UBN2: variants seen among roughly 807,000 people sequenced by gnomAD.
The protein encoded by UBN2 is ubinuclein 2.
UBN2 carries 35 observed loss-of-function variants against 120.2 expected under a neutral mutation model. That is an observed-to-expected ratio of 0.29 (90% CI 0.22 to 0.39). The LOEUF (loss-of-function observed/expected upper bound fraction) is 0.39. UBN2 is among the 10% of genes least tolerant of loss of function. The pLI is 1.00. For synonymous variants in UBN2, 661 were observed against 648.7 expected (o/e 1.02, Z -0.29); for missense variants, 1,693 against 1,663.2 (o/e 1.02, Z -0.31).
At chr7:139,248,673 C>T (rs906718059) in intron 2 of UBN2, among the ~76,000 whole-genome samples, 1 of 151,962 alleles carries the variant, frequency 6.6e-6, no homozygotes, top group Admixed American at 6.6e-5. Context: ...AAAAATATTT[C>T]GTATGTGGCA....
In UBN2 at chr7:139,283,210, C is replaced by G; in HGVS notation, c.2305C>G (p.Leu769Val). 6.2e-7 allele frequency: 1 copy of G among 1,612,960 alleles called. No homozygotes were observed. Among genetic ancestry groups the G allele is most frequent in the Non-Finnish European group, 8.5e-7 (1 of 1,179,900 alleles). The change falls in exon 15 of 18, where the codon CTT (leucine) becomes GTT (valine). Residue 769 changes from leucine (L) to valine (V), a missense_variant. Around this residue, in one of 5 missense-constraint regions of UBN2, gnomAD observed 837 missense variants for 817.6 expected, o/e 1.02. Transcript: ENST00000473989. Reference protein sequence around the residue: ...DLSFHSPSLDLVSEALAVINN... With the variant: ...DLSFHSPSLDVVSEALAVINN... The stretch of plus-strand genomic sequence containing the variant: ...TTCTTTCCATTCACCTTCACTGGAT[C>G]TTGTTTCTGAAGCTTTAGCGGTTAT...
chr7:139,284,943 A>G (rs1797741256), intron 15 of UBN2, among the ~76,000 whole-genome samples: 1 of 152,210 alleles, frequency 6.6e-6, no homozygotes, highest in African/African-American at 2.4e-5. Flanking sequence ...ACAAAGTAGT[A>G]ACTTAGGAAT....
At chr7:139,297,713 GT>G (rs1798149323) in intron 17 of UBN2, 73 bp from the exon 18 acceptor site, 5 of 1,394,296 alleles carry the variant, frequency 3.6e-6, no homozygotes, top group African/African-American at 1.4e-5. Context: ...GTTAATTGTT[GT>G]TTTTGCTTTG....
intron 12 of UBN2, chr7:139,277,365 A>G (rs1008173099): frequency 1.3e-5 from 2 of 152,242 alleles, no homozygotes; most frequent in Non-Finnish European, 2.9e-5. Context: ...CTAGTAGTCT[A>G]CTGTTGACCT....
chr7:139,310,208 T>A (rs895215285), downstream of UBN2, among the ~76,000 whole-genome samples: 1 of 151,952 alleles, frequency 6.6e-6, no homozygotes, highest in Non-Finnish European at 1.5e-5. Context: ...AAATAAAGAT[T>A]TGTTTTGCTT....
At chr7:139,319,813 A>G in the UBN2 span, among the ~76,000 whole-genome samples, 2 of 152,310 alleles carry the variant, frequency 1.3e-5, no homozygotes, top group East Asian at 3.9e-4. Flanking sequence ...GTGGTGGTCC[A>G]TGCCTGTAAT....
chr7:139,241,963 A>T lies in UBN2; in HGVS notation c.561+4866A>T, dbSNP rs115146038. Among the ~76,000 whole-genome samples the T allele has an allele frequency of 8.5e-3, 1,292 of 151,852 alleles. 16 individuals carry two copies. The highest frequency in any genetic ancestry group is 0.029 in the African/African-American group (1,205 of 41,372). The stretch of plus-strand genomic sequence containing the variant: ...CAGTGAGCCGAAATCACGCCGTTGT[A>T]CTCCAGCCTGGCGACAAGAGCGAGA... On this transcript the variant is annotated intron_variant, in intron 2 of 17. Coordinates refer to ENST00000473989, the MANE Select transcript of UBN2 (RefSeq NM_173569.4).
In UBN2 at chr7:139,306,619, G is replaced by A. The variant is rs1273628153; in HGVS notation, c.*8783G>A. On this transcript the variant is annotated 3_prime_UTR_variant, in exon 18 of 18. Coordinates refer to ENST00000473989, the MANE Select transcript of UBN2 (RefSeq NM_173569.4). ...AAGTATTTCCTGTGATCCATGGCAA[G>A]CCTCCAGAGAAAAGATTCAAGCTTT... 1.3e-5 allele frequency: 2 copies of A among 152,166 alleles called. No individual in the cohort carries two copies. Among genetic ancestry groups the A allele is most frequent in the Non-Finnish European group, 2.9e-5 (2 of 68,038 alleles). 9.4% of individuals were successfully genotyped at this position (152,166 alleles called of 1,614,324 possible). A position where few individuals can be genotyped will look rare whatever the true frequency, so the allele number is the denominator to read the frequency against.
At chr7:139,289,000 C>CAAAA (rs200360523) in intron 15 of UBN2, among the ~76,000 whole-genome samples, 2 of 66,700 alleles carry the variant, frequency 3.0e-5, no homozygotes, top group African/African-American at 4.4e-5. Context: ...GACGCCATCT[C>CAAAA]AAAAAAAAAA....
Position 139,231,627 on chromosome 7 carries a change from G to A in UBN2, c.143G>A (p.Arg48Gln), listed in dbSNP as rs764246306. The A allele has an allele frequency of 2.3e-5, 29 of 1,256,706 alleles. No individual in the cohort carries two copies. The South Asian group carries it at 7.4e-4, about 32-fold the overall frequency. The allele number at this position is 1,256,706 out of a possible 1,614,324, so 77.8% of individuals were successfully genotyped here. A position where few individuals can be genotyped will look rare whatever the true frequency, so the allele number is the denominator to read the frequency against. The change falls in exon 1 of 18, where the codon CGG becomes CAG. Residue 48 changes from arginine (R) to glutamine (Q), a missense_variant. By Grantham distance (43) the Arg-to-Gln change is conservative (BLOSUM62 1). Around this residue, in one of 5 missense-constraint regions of UBN2, gnomAD observed 663 missense variants for 591.2 expected, o/e 1.12. Coordinates refer to ENST00000473989, the MANE Select transcript of UBN2 (RefSeq NM_173569.4). ...CCGCAGCCGTACCGCGAGCCGGCCC[G>A]GGCGGAGCCGCCGGCCCCGCGGGAG... Reference protein sequence around the residue: ...LEPQPYREPARAEPPAPREPA... With the variant: ...LEPQPYREPAQAEPPAPREPA...
chr7:139,289,323 T>A (rs963914228), intron 15 of UBN2, among the ~76,000 whole-genome samples: 1 of 152,158 alleles, frequency 6.6e-6, no homozygotes, highest in Non-Finnish European at 1.5e-5. Context: ...CTTGAAAGTG[T>A]AAAATGTTAG....
chr7:139,281,690 A>G (rs1207497831), intron 13 of UBN2, among the ~76,000 whole-genome samples: 2 of 152,244 alleles, frequency 1.3e-5, no homozygotes, highest in Non-Finnish European at 2.9e-5. Context: ...AATTAATCAA[A>G]AAGTTATTTT....
At position 139,284,368 on chromosome 7, in the gene UBN2, A is replaced by G; in HGVS notation, c.3463A>G (p.Thr1155Ala). 2 of 1,614,096 alleles carry G rather than the reference A, an allele frequency of 1.2e-6. No homozygotes were observed. Among genetic ancestry groups the G allele is most frequent in the Non-Finnish European group, 1.7e-6 (2 of 1,180,012 alleles). The change falls in exon 15 of 18, where the codon ACT becomes GCT. Residue 1155 changes from threonine to alanine, a missense_variant. By Grantham distance (58) the Thr-to-Ala change is moderately conservative. Around this residue, in one of 5 missense-constraint regions of UBN2, gnomAD observed 837 missense variants for 817.6 expected, o/e 1.02. Transcript: ENST00000473989. ...APSKLTNSSS[T>A]GTVGKNSLSG... is the part of the protein sequence containing the mutation. Reference sequence around the variant, plus strand: ...CTCAAAGCTAACAAACTCATCATCCACTGGAACTGTTGGGAAGAACAGCTT... The same window carrying G: ...CTCAAAGCTAACAAACTCATCATCCGCTGGAACTGTTGGGAAGAACAGCTT...
At chr7:139,317,920 C>T in the UBN2 span, among the ~76,000 whole-genome samples, 1 of 152,162 alleles carries the variant, frequency 6.6e-6, no homozygotes, top group African/African-American at 2.4e-5. Flanking sequence ...GCCTTGGCCT[C>T]CCAAAGTGCT....
intron 11 of UBN2, among the ~76,000 whole-genome samples, chr7:139,275,327 T>C (rs1797410688): frequency 6.7e-6 from 1 of 149,256 alleles, no homozygotes; most frequent in Admixed American, 6.7e-5. Flanking sequence ...CTCACGCCTG[T>C]AATCCCAGCA....
At chr7:139,318,586 C>T in the UBN2 span, among the ~76,000 whole-genome samples, 1 of 152,106 alleles carries the variant, frequency 6.6e-6, no homozygotes, top group African/African-American at 2.4e-5. Context: ...TACCTGACCT[C>T]CTTGTCTCAA....
At chr7:139,309,222 A>G (rs1004439513), downstream of UBN2, among the ~76,000 whole-genome samples, 37 of 152,224 alleles carry the variant, frequency 2.4e-4, no homozygotes, top group African/African-American at 7.5e-4. Context: ...AAATATCAAA[A>G]AGGACATAAC....
At position 139,304,876 on chromosome 7, in the gene UBN2, G is replaced by A. The variant is rs1256955512; in HGVS notation, c.*7040G>A. 6.6e-6 allele frequency: 1 copy of A among 151,156 alleles called. No individual in the cohort carries two copies. The highest frequency in any genetic ancestry group is 1.5e-5 in the Non-Finnish European group (1 of 67,838). 9.4% of individuals were successfully genotyped at this position (151,156 alleles called of 1,614,324 possible). A position where few individuals can be genotyped will look rare whatever the true frequency, so the allele number is the denominator to read the frequency against. Reference sequence around the variant, plus strand: ...TCTTTTCCATTCTCAGATAACAAATGTTAAGACCCAAAGAAATAAGGCATA... The same window carrying A: ...TCTTTTCCATTCTCAGATAACAAATATTAAGACCCAAAGAAATAAGGCATA... On this transcript the variant is annotated 3_prime_UTR_variant, in exon 18 of 18. Coordinates refer to ENST00000473989, the MANE Select transcript of UBN2 (RefSeq NM_173569.4).
chr7:139,316,073 G>A, the UBN2 span, among the ~76,000 whole-genome samples: 9 of 79,692 alleles, frequency 1.1e-4, no homozygotes, highest in African/African-American at 4.7e-4. Context: ...GCGAGACTTC[G>A]TCTCAAAAAA....
Sources: gnomAD v4.1 joint callset for allele counts (sites outside exome capture counted in the v4.1 genomes callset) on GRCh38, gnomAD v4.1.1 for gene constraint, gnomAD v4.1.1 regional missense constraint, MANE v1.5 for transcripts, NCBI Gene and HGNC (gene_info 2026-07-23, HGNC 2026-07-21) for gene names.